FGG: variants seen among roughly 807,000 people sequenced by gnomAD.
The protein encoded by FGG is fibrinogen, gamma polypeptide.
A neutral mutation model predicts 51.7 loss-of-function variants in FGG; 20 were observed. The observed-to-expected ratio is 0.39, with a 90% CI of 0.27 to 0.56. The LOEUF (loss-of-function observed/expected upper bound fraction) is 0.56, where lower values mean the gene tolerates loss of function less well. FGG is among the 20% of genes least tolerant of loss of function. The pLI, the probability that FGG is intolerant of heterozygous loss-of-function variation, is 0.64. For missense variants in FGG, 460 were observed against 534.2 expected, an observed-to-expected ratio of 0.86 and a Z score of 1.37; for synonymous variants, 184 against 184.7, an observed-to-expected ratio of 1.00 and a Z score of 0.03.
At position 154,610,100 on chromosome 4, in the gene FGG, C is replaced by T. The variant is rs1004506577; in HGVS notation, c.499G>A (p.Asp167Asn). 6.2e-7 allele frequency: 1 copy of T among 1,613,826 alleles called. No individual in the cohort carries two copies. The highest frequency in any genetic ancestry group is 8.5e-7 in the Non-Finnish European group (1 of 1,179,830). ...LEAQCQEPCK[D>N]TVQIHDITGK... ...GTGATATCATGGATTTGCACCGTGT[C>T]TTTGCAAGGTTCCTGGCACTGTGCT... Residue 167 changes from aspartate (D) to asparagine (N), a missense_variant, in exon 5 of 9, where the codon GAC (aspartate) becomes AAC (asparagine). Around this residue, in one of 3 missense-constraint regions of FGG, gnomAD observed 353 missense variants for 391.7 expected, o/e 0.90. Coordinates refer to ENST00000336098, the MANE Select transcript of FGG (RefSeq NM_021870.3).
At position 154,606,807 on chromosome 4, in the gene FGG, T is replaced by C. The variant is rs745493854; in HGVS notation, c.1027A>G (p.Asn343Asp). ...TTGCCTTCAAACTTATCATTGTCAT[T>C]GTCCCAGGTACTGAACTGCATGCCA... ...HNGMQFSTWDNDNDKFEGNCA... is the reference protein window; with the variant it reads ...HNGMQFSTWDDDNDKFEGNCA... Residue 343 changes from asparagine to aspartate, a missense_variant, in exon 8 of 9, where the codon AAT (asparagine) becomes GAT (aspartate). Asn to Asp is a conservative substitution (Grantham distance 23). Around this residue, in one of 3 missense-constraint regions of FGG, gnomAD observed 15 missense variants for 48.8 expected, o/e 0.31. Transcript: ENST00000336098. 5 of 1,614,004 alleles carry C rather than the reference T, an allele frequency of 3.1e-6. No homozygotes were observed. The Middle Eastern group carries it at 4.9e-4, about 160-fold the overall frequency.
chr4:154,609,205 G>A (rs899766596), intron 6 of FGG, among the ~76,000 whole-genome samples: 2 of 151,818 alleles, frequency 1.3e-5, no homozygotes, highest in Admixed American at 6.6e-5. Context: ...GGTGATGGTG[G>A]TGGGGTGGTG....
At chr4:154,605,299 A>G (rs1234234544) in intron 8 of FGG, among the ~76,000 whole-genome samples, 3 of 152,152 alleles carry the variant, frequency 2.0e-5, no homozygotes, top group African/African-American at 7.2e-5. Context: ...AAATTTATTC[A>G]CTACTAGTAG....
At position 154,604,802 on chromosome 4, in the gene FGG, T is replaced by C; in HGVS notation, c.*32A>G. The stretch of plus-strand genomic sequence containing the variant: ...AAACTTTCAGAGAATTTCTGAAACT[T>C]TGTGGGTCAATAGAAGTTAGCAGTT... On this transcript the variant is annotated 3_prime_UTR_variant, in exon 9 of 9. Coordinates refer to ENST00000336098, the MANE Select transcript of FGG (RefSeq NM_021870.3). 4 of 1,612,886 alleles carry C rather than the reference T, an allele frequency of 2.5e-6. No homozygotes were observed. The highest frequency in any genetic ancestry group is 3.4e-6 in the Non-Finnish European group (4 of 1,179,786).
chr4:154,610,597 A>G lies in FGG; in HGVS notation c.402-400T>C, dbSNP rs554859696. ...ACCTGCAAGAGTGGCGGGACTGGTT[A>G]ATAGGAACACCCCCTGATGCTTTAG... On this transcript the variant is annotated intron_variant, in intron 4 of 8. Transcript: ENST00000336098. Among the ~76,000 whole-genome samples the G allele has an allele frequency of 8.5e-5, 13 of 152,276 alleles. No individual in the cohort carries two copies. In the East Asian group the frequency reaches 2.5e-3, roughly 29 times the overall value.
At chr4:154,608,762 A>G (rs1330742892) in intron 6 of FGG, 112 bp from the exon 7 acceptor site, 8 of 1,000,084 alleles carry the variant, frequency 8.0e-6, no homozygotes, top group Middle Eastern at 3.0e-4. Context: ...TCAACTCCCA[A>G]CTAAGTGATC....
chr4:154,605,964 C>A (rs1217586784), intron 8 of FGG, among the ~76,000 whole-genome samples: 1 of 151,522 alleles, frequency 6.6e-6, no homozygotes, highest in Non-Finnish European at 1.5e-5. Context: ...GTTTGGCTTT[C>A]CCAGGGTGGT....
chr4:154,608,730 A>G, intron 6 of FGG, 80 bp from the exon 7 acceptor site: 1 of 1,333,822 alleles, frequency 7.5e-7, no homozygotes, highest in Admixed American at 1.7e-5. Flanking sequence ...CATTTTGTCA[A>G]AAATACAGAG....
chr4:154,610,924 G>A (rs774049010), intron 4 of FGG, among the ~76,000 whole-genome samples: 10 of 152,162 alleles, frequency 6.6e-5, no homozygotes, highest in South Asian at 4.2e-4. Flanking sequence ...TGCATAAACC[G>A]TTCTTTCTTT....
Position 154,604,357 on chromosome 4 carries a change from G to A in FGG, c.*477C>T. ...ACGGTCTTTTAAACGTCTCCAGCCT[G>A]TGAATATATAACAAAACAAAAACCA... On this transcript the variant is annotated 3_prime_UTR_variant, in exon 9 of 9. Transcript: ENST00000336098. The A allele has an allele frequency of 6.6e-7, 1 of 1,505,764 alleles. No individual in the cohort carries two copies. The allele number at this position is 1,505,764 out of a possible 1,614,324, so 93.3% of individuals were successfully genotyped here.
chr4:154,612,297 T>C, intron 2 of FGG, 94 bp downstream of exon 2: 1 of 1,586,780 alleles, frequency 6.3e-7, no homozygotes, highest in South Asian at 1.1e-5. Context: ...TTTAAAAAGT[T>C]ACAAGTGCCA....
At position 154,612,068 on chromosome 4, in the gene FGG, A is replaced by C. The variant is rs1322998482; in HGVS notation, c.257T>G (p.Leu86Arg). ...VENKTSEVKQ[L>R]IKAIQLTYNP... ...ATAAGTGAGTTGGATTGCTTTTATC[A>C]GCTGTTTGACTTCTGATGTTTTGTT... Residue 86 changes from leucine (L) to arginine (R), a missense_variant, in exon 3 of 9, where the codon CTG becomes CGG. This residue lies in a region of FGG where 353 missense variants were observed against 391.7 expected (regional missense o/e 0.90). Transcript: ENST00000336098. 3 of 1,612,924 alleles carry C rather than the reference A, an allele frequency of 1.9e-6. No individual in the cohort carries two copies. Among genetic ancestry groups the C allele is most frequent in the African/African-American group, 1.3e-5 (1 of 74,894 alleles).
intron 4 of FGG, 42 bp from the exon 5 acceptor site, chr4:154,610,239 A>G: frequency 6.9e-7 from 1 of 1,447,434 alleles, no homozygotes; most frequent in South Asian, 1.1e-5. Flanking sequence ...AGAAGACAAA[A>G]ATAAGTATTC....
At chr4:154,609,999 G>A (rs1731175718) in intron 5 of FGG, 68 bp downstream of exon 5, 1 of 1,597,174 alleles carries the variant, frequency 6.3e-7, no homozygotes, top group Non-Finnish European at 8.6e-7. Flanking sequence ...ATACTTTCCA[G>A]TACATACTTT....
chr4:154,606,567 C>A, intron 8 of FGG, 138 bp downstream of exon 8: 6 of 1,057,108 alleles, frequency 5.7e-6, no homozygotes, highest in Non-Finnish European at 8.0e-6. Flanking sequence ...TTTCAAAGAA[C>A]TTAGTTGAAA....
At chr4:154,611,534 GA>G (rs754657018) in intron 4 of FGG, 15 of 254,310 alleles carry the variant, frequency 5.9e-5, no homozygotes, top group Non-Finnish European at 8.9e-5. Context: ...GGGGGATGGG[GA>G]AAAAATTTTT....
Position 154,604,445 on chromosome 4 carries a change from A to C in FGG, c.*389T>G. 1 of 1,198,154 alleles carries C rather than the reference A, an allele frequency of 8.3e-7. No individual in the cohort carries two copies. The highest frequency in any genetic ancestry group is 1.1e-6 in the Non-Finnish European group (1 of 879,144). 74.2% of individuals were successfully genotyped at this position (1,198,154 alleles called of 1,614,324 possible). The stretch of plus-strand genomic sequence containing the variant: ...AATTAAATAGGAATGATTTAGGGGT[A>C]ATAAACAAGGAAAATACCTGGGAAT... On this transcript the variant is annotated 3_prime_UTR_variant, in exon 9 of 9. Transcript: ENST00000336098.
In FGG at chr4:154,604,438, T is replaced by C; in HGVS notation, c.*396A>G. The C allele has an allele frequency of 3.2e-6, 4 of 1,245,174 alleles. No homozygotes were observed. The South Asian group carries it at 4.8e-5, about 15-fold the overall frequency. The allele number at this position is 1,245,174 out of a possible 1,614,324, so 77.1% of individuals were successfully genotyped here. A position where few individuals can be genotyped will look rare whatever the true frequency, so the allele number is the denominator to read the frequency against. On this transcript the variant is annotated 3_prime_UTR_variant, in exon 9 of 9. Coordinates refer to ENST00000336098, the MANE Select transcript of FGG (RefSeq NM_021870.3). ...AAAGAAGAATTAAATAGGAATGATT[T>C]AGGGGTAATAAACAAGGAAAATACC...
In FGG at chr4:154,609,995, T is replaced by C. The variant is rs6062; in HGVS notation, c.532+72A>G. 3.9e-3 allele frequency: 6,189 copies of C among 1,596,112 alleles called. 13 individuals carry two copies. Among genetic ancestry groups the C allele is most frequent in the Non-Finnish European group, 4.8e-3 (5,563 of 1,164,144 alleles). On this transcript the variant is annotated intron_variant, in intron 5 of 8. Coordinates refer to ENST00000336098, the MANE Select transcript of FGG (RefSeq NM_021870.3). The stretch of plus-strand genomic sequence containing the variant: ...CACTTTCTAAACTATTCCTATACTT[T>C]CCAGTACATACTTTCTCCTTTACAT...
Sources: gnomAD v4.1 joint callset for allele counts (sites outside exome capture counted in the v4.1 genomes callset) on GRCh38, gnomAD v4.1.1 for gene constraint, gnomAD v4.1.1 regional missense constraint, MANE v1.5 for transcripts, NCBI Gene and HGNC (gene_info 2026-07-23, HGNC 2026-07-21) for gene names.